Variants in C8orf34 observed in about 807,000 individuals in gnomAD.
C8orf34 encodes the protein uncharacterized protein C8orf34.
C8orf34 carries 65 observed loss-of-function variants against 68.3 expected under a neutral mutation model. That is an observed-to-expected ratio of 0.95 (90% CI 0.78 to 1.17). The LOEUF (loss-of-function observed/expected upper bound fraction) is 1.17. Ranked by LOEUF, C8orf34 falls within the 50% of genes most tolerant of loss-of-function variation. C8orf34 has a pLI of 0.00. For missense variants in C8orf34, 664 were observed against 655.4 expected (o/e 1.01, Z -0.14); for synonymous variants, 244 against 241.2 (o/e 1.01, Z -0.11).
At chr8:68,579,772 A>T (rs941421796) in intron 7 of C8orf34, among the ~76,000 whole-genome samples, 72 of 152,282 alleles carry the variant, frequency 4.7e-4, no homozygotes, top group African/African-American at 1.7e-3. Context: ...TAGACTAAGG[A>T]TGCCAAATGT....
At chr8:68,424,894 C>T (rs974575224) in intron 1 of C8orf34, among the ~76,000 whole-genome samples, 8 of 151,906 alleles carry the variant, frequency 5.3e-5, no homozygotes, top group Non-Finnish European at 1.2e-4. Flanking sequence ...AGTGAGACTC[C>T]ATCCCAAAAA....
At chr8:68,356,393 A>G (rs749048221) in intron 1 of C8orf34, among the ~76,000 whole-genome samples, 1 of 152,028 alleles carries the variant, frequency 6.6e-6, no homozygotes, top group Non-Finnish European at 1.5e-5. Flanking sequence ...AAACACAAAA[A>G]CTCATATGTA....
chr8:68,607,284 C>T (rs1817883415), intron 7 of C8orf34, among the ~76,000 whole-genome samples: 1 of 152,002 alleles, frequency 6.6e-6, no homozygotes, highest in Admixed American at 6.6e-5. Context: ...CTAAGGCTGC[C>T]ATAATAACGT....
In C8orf34 at chr8:68,818,761, A is replaced by G. The variant is rs1403387711; in HGVS notation, c.*515A>G. 6.6e-6 allele frequency: 1 copy of G among 152,250 alleles called. No individual in the cohort carries two copies. Among genetic ancestry groups the G allele is most frequent in the Non-Finnish European group, 1.5e-5 (1 of 68,130 alleles). 9.4% of individuals were successfully genotyped at this position (152,250 alleles called of 1,614,324 possible). On this transcript the variant is annotated 3_prime_UTR_variant, in exon 14 of 14. Coordinates refer to ENST00000518698, the MANE Select transcript of C8orf34 (RefSeq NM_052958.4). Reference sequence around the variant, plus strand: ...TGTTGTGTGCAGCAGTGAGAAGTATATTCTCTACCACTGCTCTTTCTCATG... The same window carrying G: ...TGTTGTGTGCAGCAGTGAGAAGTATGTTCTCTACCACTGCTCTTTCTCATG...
At chr8:68,672,724 G>C (rs1820052094) in intron 8 of C8orf34, among the ~76,000 whole-genome samples, 1 of 152,156 alleles carries the variant, frequency 6.6e-6, no homozygotes. Context: ...GCAAGTCCTT[G>C]TGCTGTGCTG....
At chr8:68,564,688 G>A (rs1190476378) in intron 7 of C8orf34, among the ~76,000 whole-genome samples, 2 of 152,166 alleles carry the variant, frequency 1.3e-5, no homozygotes, top group African/African-American at 2.4e-5. Context: ...AAGGCAGAGA[G>A]CAAAAGAGAG....
intron 3 of C8orf34, among the ~76,000 whole-genome samples, chr8:68,456,704 G>T (rs1333681671): frequency 6.6e-6 from 1 of 151,438 alleles, no homozygotes; most frequent in Non-Finnish European, 1.5e-5. Context: ...AAGATAAGTA[G>T]GTTTTGATGA....
intron 6 of C8orf34, chr8:68,525,613 G>A (rs1486583188): frequency 9.9e-6 from 8 of 808,664 alleles, no homozygotes; most frequent in Middle Eastern, 3.7e-4. Flanking sequence ...CAATGAAACC[G>A]AACTGGTCAG....
In C8orf34 at chr8:68,525,639, G is replaced by A. The variant is rs923749564; in HGVS notation, c.938+3668G>A. On this transcript the variant is annotated intron_variant, in intron 6 of 13. Coordinates refer to ENST00000518698, the MANE Select transcript of C8orf34 (RefSeq NM_052958.4). Reference sequence around the variant, plus strand: ...AACTGGTCAGATGGGAGCAGATTATGCTGCCATTTTTCTAGATCTTTGAGT... The same window carrying A: ...AACTGGTCAGATGGGAGCAGATTATACTGCCATTTTTCTAGATCTTTGAGT... The A allele has an allele frequency of 5.5e-6, 4 of 728,464 alleles. No individual in the cohort carries two copies. The African/African-American group carries it at 6.9e-5, about 13-fold the overall frequency. 45.1% of individuals were successfully genotyped at this position (728,464 alleles called of 1,614,324 possible). A position where few individuals can be genotyped will look rare whatever the true frequency, so the allele number is the denominator to read the frequency against.
At chr8:68,795,611 A>G (rs1364695840) in intron 12 of C8orf34, among the ~76,000 whole-genome samples, 2 of 152,222 alleles carry the variant, frequency 1.3e-5, no homozygotes, top group Non-Finnish European at 2.9e-5. Context: ...CATAGTGGTC[A>G]GCTAATGACT....
intron 1 of C8orf34, chr8:68,437,928 T>C (rs897264477): frequency 2.6e-5 from 4 of 152,158 alleles, no homozygotes; most frequent in Admixed American, 6.6e-5. Flanking sequence ...GGTAAAGCCA[T>C]GTTTTCCTAC....
At chr8:68,691,087 T>C (rs544880097) in intron 8 of C8orf34, among the ~76,000 whole-genome samples, 1 of 152,232 alleles carries the variant, frequency 6.6e-6, no homozygotes, top group South Asian at 2.1e-4. Context: ...TTAATCTTTA[T>C]ACTAAAGTGA....
intron 8 of C8orf34, among the ~76,000 whole-genome samples, chr8:68,674,586 T>A (rs963624333): frequency 1.3e-5 from 2 of 151,944 alleles, no homozygotes; most frequent in African/African-American, 4.8e-5. Context: ...AGGCAGGCTA[T>A]TTGAAAATAC....
intron 7 of C8orf34, among the ~76,000 whole-genome samples, chr8:68,559,134 G>A (rs1243854032): frequency 6.6e-6 from 1 of 152,144 alleles, no homozygotes; most frequent in Non-Finnish European, 1.5e-5. Flanking sequence ...TTATTCTGCT[G>A]GTTGTAGGAA....
At position 68,818,285 on chromosome 8, in the gene C8orf34, G is replaced by A. The variant is rs754428334; in HGVS notation, c.*39G>A. On this transcript the variant is annotated 3_prime_UTR_variant, in exon 14 of 14. Transcript: ENST00000518698. ...AGTTGCAAGTGGTCCTTAAAGAAATGCAGTTATTCAAATCCTTATGTATAG... is the reference window on the plus strand; with the variant it reads ...AGTTGCAAGTGGTCCTTAAAGAAATACAGTTATTCAAATCCTTATGTATAG... 7.5e-6 allele frequency: 12 copies of A among 1,603,788 alleles called. No individual in the cohort carries two copies. Among genetic ancestry groups the A allele is most frequent in the Non-Finnish European group, 9.4e-6 (11 of 1,171,704 alleles).
intron 7 of C8orf34, among the ~76,000 whole-genome samples, chr8:68,619,022 G>A (rs1239649238): frequency 6.6e-6 from 1 of 152,138 alleles, no homozygotes; most frequent in Non-Finnish European, 1.5e-5. Context: ...GCTGATGTTT[G>A]AGCTGAACTT....
intron 13 of C8orf34, among the ~76,000 whole-genome samples, chr8:68,816,901 GC>G (rs1824837066): frequency 6.6e-6 from 1 of 152,084 alleles, no homozygotes; most frequent in Non-Finnish European, 1.5e-5. Flanking sequence ...ATATTAGAAA[GC>G]TATGAATCCA....
At chr8:68,577,178 T>C (rs934065429) in intron 7 of C8orf34, among the ~76,000 whole-genome samples, 1 of 151,918 alleles carries the variant, frequency 6.6e-6, no homozygotes, top group African/African-American at 2.4e-5. Context: ...CAGGTATTGC[T>C]AATTGAGAAA....
intron 1 of C8orf34, among the ~76,000 whole-genome samples, chr8:68,398,944 A>G (rs958751869): frequency 2.0e-5 from 3 of 152,066 alleles, no homozygotes; most frequent in Non-Finnish European, 2.9e-5. Flanking sequence ...CTATTCTCAG[A>G]GGGTCTCCTT....
Sources: gnomAD v4.1 joint callset for allele counts (sites outside exome capture counted in the v4.1 genomes callset) on GRCh38, gnomAD v4.1.1 for gene constraint, MANE v1.5 for transcripts, NCBI Gene and HGNC (gene_info 2026-07-23, HGNC 2026-07-21) for gene names.